The following SVOP variants were observed in gnomAD, a reference collection of about 807,000 sequenced individuals.
The protein encoded by SVOP is SV2 related protein, also known as synaptic vesicle 2-related protein.
SVOP carries 17 observed loss-of-function variants against 69.1 expected under a neutral mutation model. The observed-to-expected ratio is 0.25, with a 90% CI of 0.17 to 0.37. The LOEUF is 0.37. Among genes scored for constraint, SVOP ranks in the 10% least tolerant of loss-of-function variants. The pLI is 1.00. For missense variants in SVOP, 435 were observed against 597.5 expected (o/e 0.73, Z 2.84); for synonymous variants, 238 against 238.6 (o/e 1.00, Z 0.02).
At chr12:108,971,174 A>G (rs776267937) in intron 5 of SVOP, among the ~76,000 whole-genome samples, 3 of 152,222 alleles carry the variant, frequency 2.0e-5, no homozygotes, top group Non-Finnish European at 2.9e-5. Flanking sequence ...CATGCCTGTA[A>G]TCTCAGCACT....
chr12:108,939,168 T>C (rs993725796), intron 8 of SVOP, among the ~76,000 whole-genome samples: 4 of 152,168 alleles, frequency 2.6e-5, no homozygotes, highest in African/African-American at 9.7e-5. Context: ...TCCTTCTCCA[T>C]AAAATGTGAA....
At chr12:108,987,982 C>T (rs894440249) in intron 1 of SVOP, among the ~76,000 whole-genome samples, 5 of 152,102 alleles carry the variant, frequency 3.3e-5, no homozygotes, top group African/African-American at 7.2e-5. Flanking sequence ...AGTGCAGTGG[C>T]GTGATCATGG....
intron 4 of SVOP, among the ~76,000 whole-genome samples, chr12:108,975,345 A>C (rs933119636): frequency 6.6e-6 from 1 of 152,206 alleles, no homozygotes; most frequent in African/African-American, 2.4e-5. Flanking sequence ...TTCCTTAGAA[A>C]ATTTACCCAT....
intron 12 of SVOP, among the ~76,000 whole-genome samples, chr12:108,920,656 C>T (rs758651621): frequency 7.3e-6 from 1 of 136,744 alleles, no homozygotes; most frequent in South Asian, 2.3e-4. Flanking sequence ...CGCAGTGGTG[C>T]GTGTGATATC....
At chr12:108,969,595 G>A (rs1020800231) in intron 5 of SVOP, among the ~76,000 whole-genome samples, 19 of 150,958 alleles carry the variant, frequency 1.3e-4, no homozygotes, top group African/African-American at 4.6e-4. Flanking sequence ...CCAAAGTGCT[G>A]GGATTACAGG....
chr12:108,948,066 G>A (rs1021912063), intron 6 of SVOP, among the ~76,000 whole-genome samples: 2 of 152,106 alleles, frequency 1.3e-5, no homozygotes, highest in African/African-American at 4.8e-5. Context: ...TCTCCCCAGG[G>A]CAGGCTGCAG....
At position 108,929,300 on chromosome 12, in the gene SVOP, T is replaced by TTTAG. The variant is rs200245336; in HGVS notation, c.1048+4891_1048+4894dup. On this transcript the variant is annotated intron_variant, in intron 11 of 15. Coordinates refer to ENST00000610966, the MANE Select transcript of SVOP (RefSeq NM_018711.5). ...ATAGTCCTTTTTAAATATTTATTTA[T>TTTAG]TTAGTTAGTTAGTTAGTTAGTTAGC... Among the ~76,000 whole-genome samples, 118 of 152,326 alleles carry TTTAG rather than the reference T, an allele frequency of 7.7e-4. 1 individual carries two copies. In the East Asian group the frequency reaches 0.01, roughly 13 times the overall value.
intron 1 of SVOP, among the ~76,000 whole-genome samples, chr12:108,984,985 G>C (rs2040159294): frequency 6.6e-6 from 1 of 152,190 alleles, no homozygotes; most frequent in Non-Finnish European, 1.5e-5. Context: ...CCAGCACTTT[G>C]GGAGGCTGAG....
Position 108,998,123 on chromosome 12 carries a change from A to G in SVOP, c.36-14362T>C, listed in dbSNP as rs1048632191. 3.8e-4 allele frequency among the ~76,000 whole-genome samples: 58 copies of G among 152,328 alleles called. 1 individual carries two copies. The highest frequency in any genetic ancestry group is 1.3e-3 in the African/African-American group (56 of 41,570). On this transcript the variant is annotated intron_variant, in intron 1 of 15. Coordinates refer to ENST00000610966, the MANE Select transcript of SVOP (RefSeq NM_018711.5). ...ATACAGAGAAGTGCTTAAAGGAGCT[A>G]ATGGAGCTGAAAACCAAGGCTCAAG...
chr12:108,923,916 G>A (rs2039765175), intron 11 of SVOP, among the ~76,000 whole-genome samples: 1 of 152,100 alleles, frequency 6.6e-6, no homozygotes, highest in Admixed American at 6.5e-5. Context: ...CAAACTATGG[G>A]ACTAATCTCC....
At chr12:108,944,471 TG>T (rs1173962006) in intron 7 of SVOP, among the ~76,000 whole-genome samples, 1 of 152,058 alleles carries the variant, frequency 6.6e-6, no homozygotes, top group African/African-American at 2.4e-5. Context: ...GACATCAGAG[TG>T]GGTTCATAGT....
At chr12:108,915,172 CA>C (rs78563087) in intron 15 of SVOP, among the ~76,000 whole-genome samples, 3,406 of 113,888 alleles carry the variant, frequency 0.03, 48 homozygotes, top group Middle Eastern at 0.069. Flanking sequence ...GACTCCATCC[CA>C]AAAAAAAAAA....
intron 1 of SVOP, among the ~76,000 whole-genome samples, chr12:108,985,831 A>G (rs2040163206): frequency 6.6e-6 from 1 of 152,254 alleles, no homozygotes; most frequent in South Asian, 2.1e-4. Context: ...TAACGATTGC[A>G]TCATTCCATG....
At chr12:108,958,303 C>CTTT (rs755097672) in intron 6 of SVOP, among the ~76,000 whole-genome samples, 2 of 108,444 alleles carry the variant, frequency 1.8e-5, no homozygotes, top group African/African-American at 5.3e-5. Flanking sequence ...CATGCCTGGC[C>CTTT]TTTTTTTTTT....
chr12:109,011,899 AG>A lies in SVOP; in HGVS notation c.35+8934del, dbSNP rs1274974647. 3.5e-4 allele frequency among the ~76,000 whole-genome samples: 53 copies of A among 152,342 alleles called. 1 individual carries two copies. Among genetic ancestry groups the A allele is most frequent in the African/African-American group, 1.2e-3 (51 of 41,576 alleles). On this transcript the variant is annotated intron_variant, in intron 1 of 15. Transcript: ENST00000610966. ...CTCATTTATATGTGGAATCTGAAAA[AG>A]TCAAACTCATAGAAGCAGAGAGTGG...
chr12:108,945,938 A>G (rs2039919970), intron 6 of SVOP, among the ~76,000 whole-genome samples: 2 of 151,944 alleles, frequency 1.3e-5, no homozygotes, highest in Admixed American at 1.3e-4. Context: ...CTAAGTTATA[A>G]TTTTCCATTT....
chr12:108,945,134 T>C lies in SVOP; in HGVS notation c.611A>G (p.Lys204Arg). The change falls in exon 7 of 16, where the codon AAA (lysine) becomes AGA (arginine). Residue 204 changes from lysine (K) to arginine (R), a missense_variant. Physicochemically the swap from Lys to Arg is conservative, Grantham distance 26 (BLOSUM62 2). Transcript: ENST00000610966. ...CAGCAAAATACATTTAGCTCTGGCT[T>C]TCATGGGAAGGAACTCGGCATACAG... ...VTLYAEFLPM[K>R]ARAKCILLIE... 1 of 1,537,124 alleles carries C rather than the reference T, an allele frequency of 6.5e-7. No individual in the cohort carries two copies. The highest frequency in any genetic ancestry group is 8.7e-7 in the Non-Finnish European group (1 of 1,146,848).
chr12:108,953,217 C>T (rs557425764), intron 6 of SVOP, among the ~76,000 whole-genome samples: 2 of 138,798 alleles, frequency 1.4e-5, no homozygotes, highest in Middle Eastern at 4.4e-3. Context: ...GGCATGAACT[C>T]GGCTCACTGC....
At chr12:108,917,944 C>G in intron 14 of SVOP, 99 bp downstream of exon 14, 2 of 1,000,032 alleles carry the variant, frequency 2.0e-6, no homozygotes, top group South Asian at 3.6e-5. Flanking sequence ...CCGCGCCCAC[C>G]ACCTCATTCT....
Sources: gnomAD v4.1 joint callset for allele counts (sites outside exome capture counted in the v4.1 genomes callset) on GRCh38, gnomAD v4.1.1 for gene constraint, MANE v1.5 for transcripts, NCBI Gene and HGNC (gene_info 2026-07-23, HGNC 2026-07-21) for gene names.